Variants in KHDRBS2 observed in about 807,000 individuals in gnomAD.
KHDRBS2 encodes KH RNA binding domain containing, signal transduction associated 2.
A neutral mutation model predicts 44.3 loss-of-function variants in KHDRBS2; 26 were observed. That is an observed-to-expected ratio of 0.59 (90% CI 0.43 to 0.81). The LOEUF is 0.81. Among genes scored for constraint, KHDRBS2 ranks in the 40% least tolerant of loss-of-function variants. The probability of loss-of-function intolerance (pLI) is 0.00; values close to 1 mark genes in which losing one functional copy is unlikely to be tolerated. For missense variants in KHDRBS2, 476 were observed against 433.1 expected (o/e 1.10, Z -0.88); for synonymous variants, 194 against 151.1 (o/e 1.28, Z -2.08).
At chr6:62,264,872 C>T (rs1181178749) in intron 1 of KHDRBS2, among the ~76,000 whole-genome samples, 3 of 151,704 alleles carry the variant, frequency 2.0e-5, no homozygotes, top group East Asian at 1.9e-4. Context: ...AAAGGTCCTG[C>T]TGTCTTCCTA....
chr6:61,635,699 G>GTTCT, the KHDRBS2 span, among the ~76,000 whole-genome samples: 1 of 151,942 alleles, frequency 6.6e-6, no homozygotes, highest in East Asian at 1.9e-4. Flanking sequence ...CAGAAAAGGT[G>GTTCT]TTCTTTACAT....
intron 4 of KHDRBS2, among the ~76,000 whole-genome samples, chr6:61,905,085 G>A (rs1327084799): frequency 6.6e-6 from 1 of 152,016 alleles, no homozygotes; most frequent in Non-Finnish European, 1.5e-5. Flanking sequence ...GATTACTGAC[G>A]ACCAAAAAGG....
At chr6:61,883,220 AAAAG>A (rs1289826799) in intron 6 of KHDRBS2, among the ~76,000 whole-genome samples, 4 of 152,030 alleles carry the variant, frequency 2.6e-5, no homozygotes, top group Non-Finnish European at 5.9e-5. Flanking sequence ...TGTTTCAAAA[AAAAG>A]ATAGAACTCC....
rs1800284174 is a variant in KHDRBS2, at chr6:62,095,058, A to C, written c.220-47064T>G. ...GGCTATTTGGGGTCTTTTTTGGTCCATACGAATTATATGATTGTTTTTTTC... is the reference window on the plus strand; with the variant it reads ...GGCTATTTGGGGTCTTTTTTGGTCCCTACGAATTATATGATTGTTTTTTTC... On this transcript the variant is annotated intron_variant, in intron 2 of 8. Coordinates refer to ENST00000281156, the MANE Select transcript of KHDRBS2 (RefSeq NM_152688.4). Among the ~76,000 whole-genome samples, 4 of 151,934 alleles carry C rather than the reference A, an allele frequency of 2.6e-5. No homozygotes were observed. The South Asian group carries it at 8.3e-4, about 31-fold the overall frequency.
intron 6 of KHDRBS2, among the ~76,000 whole-genome samples, chr6:61,892,753 G>A (rs921099519): frequency 2.0e-5 from 3 of 152,048 alleles, no homozygotes; most frequent in East Asian, 1.9e-4. Context: ...AAATTAATTC[G>A]AGATGGATTA....
intron 7 of KHDRBS2, among the ~76,000 whole-genome samples, chr6:61,716,741 CT>C (rs1227705579): frequency 3.3e-5 from 5 of 151,996 alleles, no homozygotes; most frequent in Non-Finnish European, 7.4e-5. Context: ...ATATGTTAAA[CT>C]TTTTTGTGTG....
chr6:62,178,969 G>A (rs1410855652), intron 1 of KHDRBS2, among the ~76,000 whole-genome samples: 1 of 151,328 alleles, frequency 6.6e-6, no homozygotes, highest in African/African-American at 2.4e-5. Flanking sequence ...TCTTTTAAAG[G>A]TCTGACTATT....
chr6:62,075,809 T>C (rs1796216738), intron 2 of KHDRBS2, among the ~76,000 whole-genome samples: 1 of 151,692 alleles, frequency 6.6e-6, no homozygotes, highest in Non-Finnish European at 1.5e-5. Context: ...AGAGCCTCTG[T>C]TTTCAGTCTC....
intron 2 of KHDRBS2, among the ~76,000 whole-genome samples, chr6:62,069,975 T>C (rs538763794): frequency 5.3e-5 from 8 of 151,862 alleles, no homozygotes; most frequent in African/African-American, 1.7e-4. Context: ...TCCTTTCTAT[T>C]CCTAGGATTT....
the KHDRBS2 span, among the ~76,000 whole-genome samples, chr6:61,581,024 T>C: frequency 6.6e-6 from 1 of 152,302 alleles, no homozygotes; most frequent in East Asian, 1.9e-4. Context: ...GCACTTTAAA[T>C]CTACGTTATC....
chr6:61,705,844 A>T (rs1050592227), intron 7 of KHDRBS2, among the ~76,000 whole-genome samples: 15 of 151,806 alleles, frequency 9.9e-5, no homozygotes, highest in African/African-American at 3.6e-4. Flanking sequence ...CAGATACCCA[A>T]TAACCCTACA....
intron 4 of KHDRBS2, among the ~76,000 whole-genome samples, chr6:61,935,397 A>G (rs1162579791): frequency 6.6e-6 from 1 of 152,220 alleles, no homozygotes; most frequent in African/African-American, 2.4e-5. Flanking sequence ...TCCAGCTAGC[A>G]AAGGCATGAA....
At chr6:61,804,418 C>A (rs1786796717) in intron 6 of KHDRBS2, among the ~76,000 whole-genome samples, 1 of 152,082 alleles carries the variant, frequency 6.6e-6, no homozygotes, top group Admixed American at 6.6e-5. Context: ...ATTTTCTAGG[C>A]ACATGATGCA....
chr6:61,965,498 A>C (rs568034539), intron 4 of KHDRBS2, among the ~76,000 whole-genome samples: 61 of 152,152 alleles, frequency 4.0e-4, no homozygotes, highest in Middle Eastern at 6.8e-3. Flanking sequence ...TGAAAACTGC[A>C]TGATCAGTGG....
chr6:61,706,593 T>A (rs1769602732), intron 7 of KHDRBS2, among the ~76,000 whole-genome samples: 1 of 151,800 alleles, frequency 6.6e-6, no homozygotes, highest in African/African-American at 2.4e-5. Flanking sequence ...GCCTTTGCCT[T>A]CTATTTACCT....
At chr6:61,684,834 T>A (rs1766650900) in intron 8 of KHDRBS2, among the ~76,000 whole-genome samples, 1 of 151,646 alleles carries the variant, frequency 6.6e-6, no homozygotes, top group Non-Finnish European at 1.5e-5. Context: ...AGTGACTTGA[T>A]CCAATTGCCA....
intron 2 of KHDRBS2, among the ~76,000 whole-genome samples, chr6:62,103,070 T>C (rs376740551): frequency 6.6e-6 from 1 of 152,040 alleles, no homozygotes; most frequent in South Asian, 2.1e-4. Context: ...TGCTGATTGG[T>C]CCATGGACAG....
At chr6:61,876,619 A>C (rs1799445711) in intron 6 of KHDRBS2, among the ~76,000 whole-genome samples, 1 of 152,024 alleles carries the variant, frequency 6.6e-6, no homozygotes, top group Non-Finnish European at 1.5e-5. Flanking sequence ...TTCTCCTTTA[A>C]TGGCATTCAG....
chr6:62,239,575 TTAAA>T (rs1348469940), intron 1 of KHDRBS2, among the ~76,000 whole-genome samples: 1 of 63,146 alleles, frequency 1.6e-5, no homozygotes, highest in Admixed American at 1.2e-4. Flanking sequence ...CCCATCTCAA[TTAAA>T]TAAATGAATG....
Sources: gnomAD v4.1 joint callset for allele counts (sites outside exome capture counted in the v4.1 genomes callset) on GRCh38, gnomAD v4.1.1 for gene constraint, MANE v1.5 for transcripts, NCBI Gene and HGNC (gene_info 2026-07-23, HGNC 2026-07-21) for gene names.